The following KIF4A variants were observed in gnomAD, a reference collection of about 807,000 sequenced individuals.
KIF4A encodes chromosome-associated kinesin KIF4A.
KIF4A carries 7 observed loss-of-function variants against 105.9 expected under a neutral mutation model. That is an observed-to-expected ratio of 0.07 (90% CI 0.04 to 0.12). The LOEUF is 0.12. KIF4A is among the 10% of genes least tolerant of loss of function. The probability of loss-of-function intolerance (pLI) is 1.00; values close to 1 mark genes in which losing one functional copy is unlikely to be tolerated. For missense variants in KIF4A, 558 were observed against 929.2 expected (o/e 0.60, Z 5.19); for synonymous variants, 281 against 331.3 (o/e 0.85, Z 1.65).
chrX:70,333,583 CA>C lies in KIF4A; in HGVS notation c.1072-44del, dbSNP rs750902059. The C allele has an allele frequency of 3.2e-6, 3 of 943,206 alleles. No homozygotes were observed. The South Asian group carries it at 5.9e-5, about 19-fold the overall frequency. 77.7% of individuals were successfully genotyped at this position (943,206 alleles called of 1,213,427 possible). A position where few individuals can be genotyped will look rare whatever the true frequency, so the allele number is the denominator to read the frequency against. On this transcript the variant is annotated intron_variant, in intron 9 of 30. Transcript: ENST00000374403. ...AATTTTACTGCCAAGGGTTAAGTAG[CA>C]TTTGGTTGGTGACTAGCTGATTATT...
At chrX:70,397,930 T>C (rs2086266324) in intron 22 of KIF4A, among the ~76,000 whole-genome samples, 4 of 112,421 alleles carry the variant, frequency 3.6e-5, no homozygotes, top group African/African-American at 1.3e-4. Flanking sequence ...TCAAGAATGT[T>C]GTAAACCGTT....
chrX:70,398,933 A>G (rs2086270211), intron 22 of KIF4A, among the ~76,000 whole-genome samples: 1 of 111,731 alleles, frequency 9.0e-6, no homozygotes, highest in South Asian at 3.8e-4. Flanking sequence ...AAGTGCTGAC[A>G]CCCTAGGCTG....
At chrX:70,315,036 T>C (rs976819188) in intron 7 of KIF4A, among the ~76,000 whole-genome samples, 2 of 111,955 alleles carry the variant, frequency 1.8e-5, no homozygotes, top group Non-Finnish European at 3.8e-5. Context: ...TTTATTCTTA[T>C]ATCCTTTAAT....
At chrX:70,311,993 A>G (rs1358368254) in intron 7 of KIF4A, among the ~76,000 whole-genome samples, 1 of 108,599 alleles carries the variant, frequency 9.2e-6, no homozygotes, top group African/African-American at 3.3e-5. Context: ...ATACACCTAA[A>G]AATTAAATTA....
intron 15 of KIF4A, among the ~76,000 whole-genome samples, chrX:70,363,076 G>C (rs1011835202): frequency 9.0e-6 from 1 of 110,530 alleles, no homozygotes; most frequent in Non-Finnish European, 1.9e-5. Context: ...CCTATCACCT[G>C]TAAAGAATTG....
intron 15 of KIF4A, among the ~76,000 whole-genome samples, chrX:70,372,053 A>G (rs1171101942): frequency 1.5e-4 from 15 of 102,263 alleles, no homozygotes; most frequent in African/African-American, 4.7e-4. Context: ...ATGGGCGGCC[A>G]GGCAGAGACG....
intron 7 of KIF4A, among the ~76,000 whole-genome samples, chrX:70,304,466 G>T (rs1319180447): frequency 4.7e-5 from 5 of 106,412 alleles, no homozygotes; most frequent in African/African-American, 1.4e-4. Context: ...GTAATGGGAT[G>T]GCTGGGTCAA....
intron 18 of KIF4A, among the ~76,000 whole-genome samples, chrX:70,382,769 A>G (rs1393079538): frequency 9.2e-6 from 1 of 108,213 alleles, no homozygotes; most frequent in Non-Finnish European, 1.9e-5. Flanking sequence ...CCTGGGCAAC[A>G]TAGCAAGACC....
At chrX:70,345,575 A>G (rs2147699928) in intron 13 of KIF4A, among the ~76,000 whole-genome samples, 1 of 112,060 alleles carries the variant, frequency 8.9e-6, no homozygotes, top group African/African-American at 3.2e-5. Flanking sequence ...TTATAGAGTA[A>G]AGAGAAGAAA....
chrX:70,323,050 A>G (rs2085897712), intron 7 of KIF4A, among the ~76,000 whole-genome samples: 1 of 106,124 alleles, frequency 9.4e-6, no homozygotes, highest in Admixed American at 1.0e-4. Context: ...TCCTCTCCCC[A>G]CTCTTTCCTT....
intron 7 of KIF4A, among the ~76,000 whole-genome samples, chrX:70,314,931 G>A (rs1954775805): frequency 9.0e-6 from 1 of 111,151 alleles, no homozygotes; most frequent in Non-Finnish European, 1.9e-5. Context: ...GAGCAGTGTC[G>A]GTCGAGTGGT....
intron 3 of KIF4A, among the ~76,000 whole-genome samples, chrX:70,293,306 A>G (rs1334991471): frequency 8.9e-6 from 1 of 112,617 alleles, no homozygotes; most frequent in African/African-American, 3.2e-5. Flanking sequence ...CTTTGACATA[A>G]ATATGATGAT....
Position 70,344,111 on chromosome X carries a change from C to T in KIF4A, c.1431+129C>T, listed in dbSNP as rs2085982669. On this transcript the variant is annotated intron_variant, in intron 13 of 30. Transcript: ENST00000374403. ...TTGTGAGCCGCTTTTGGACAGAGGT[C>T]GTGGATCATTTGATATGATCTGAAT... is the stretch of plus-strand genomic sequence containing the variant. 3 of 485,036 alleles carry T rather than the reference C, an allele frequency of 6.2e-6. No individual in the cohort carries two copies. The East Asian group carries it at 1.1e-4, about 18-fold the overall frequency. The allele number at this position is 485,036 out of a possible 1,213,427, so 40.0% of individuals were successfully genotyped here.
chrX:70,364,811 G>C (rs2086093815), intron 15 of KIF4A, among the ~76,000 whole-genome samples: 1 of 111,619 alleles, frequency 9.0e-6, no homozygotes, highest in Non-Finnish European at 1.9e-5. Flanking sequence ...GGATGGCATT[G>C]AATCTATAAA....
At position 70,297,065 on chromosome X, in the gene KIF4A, A is replaced by G. The variant is rs769264485; in HGVS notation, c.303A>G (p.Ala101=). The G allele has an allele frequency of 6.6e-6, 8 of 1,212,005 alleles. No homozygotes were observed. The highest frequency in any genetic ancestry group is 8.9e-6 in the Non-Finnish European group (8 of 895,422). ...GSGKTYSMGG[A]YTAEQENEPT... ...GAAAAACCTATTCAATGGGAGGTGC[A>G]TATACTGCAGAGCAAGAGAATGAAC... The change falls in exon 4 of 31, where the codon GCA becomes GCG. Residue 101 remains alanine (A), a synonymous_variant. Coordinates refer to ENST00000374403, the MANE Select transcript of KIF4A (RefSeq NM_012310.5).
intron 7 of KIF4A, among the ~76,000 whole-genome samples, chrX:70,323,803 G>C (rs1385652027): frequency 1.1e-5 from 1 of 90,423 alleles, no homozygotes; most frequent in Non-Finnish European, 2.2e-5. Flanking sequence ...TCATTAACTG[G>C]CATTTAATAT....
At chrX:70,305,709 A>G (rs754429611) in intron 7 of KIF4A, among the ~76,000 whole-genome samples, 4 of 112,159 alleles carry the variant, frequency 3.6e-5, no homozygotes, top group African/African-American at 6.5e-5. Context: ...GTGTATACCT[A>G]TGAGTGGAAT....
At position 70,349,590 on chromosome X, in the gene KIF4A, A is replaced by ATGCTCCTCACATCCC. The variant is rs765542387; in HGVS notation, c.1432-3009_1432-2995dup. ...TCCCAGACGGGGCGGCCGGGCAGAG[A>ATGCTCCTCACATCCC]TGCTCCTCACATCCCAGACGGGGTG... On this transcript the variant is annotated intron_variant, in intron 13 of 30. Transcript: ENST00000374403. Among the ~76,000 whole-genome samples, 8 of 55,010 alleles carry ATGCTCCTCACATCCC rather than the reference A, an allele frequency of 1.5e-4. No individual in the cohort carries two copies. The East Asian group carries it at 4.3e-3, about 29-fold the overall frequency. 47.8% of individuals were successfully genotyped at this position (55,010 alleles called of 115,157 possible).
chrX:70,341,207 A>T (rs1031379480), intron 10 of KIF4A, among the ~76,000 whole-genome samples: 1 of 111,937 alleles, frequency 8.9e-6, no homozygotes, highest in Non-Finnish European at 1.9e-5. Context: ...AGAAGGGAGC[A>T]CTTATTTATA....
Sources: gnomAD v4.1 joint callset for allele counts (sites outside exome capture counted in the v4.1 genomes callset) on GRCh38, gnomAD v4.1.1 for gene constraint, MANE v1.5 for transcripts, NCBI Gene and HGNC (gene_info 2026-07-23, HGNC 2026-07-21) for gene names.